FBXL20: variants seen among roughly 807,000 people sequenced by gnomAD.
FBXL20 encodes F-box and leucine rich repeat protein 20.
A neutral mutation model predicts 64.0 loss-of-function variants in FBXL20; 11 were observed. The observed-to-expected ratio is 0.17, with a 90% CI of 0.11 to 0.28. FBXL20 has a LOEUF of 0.28. FBXL20 is among the 10% of genes least tolerant of loss of function. The probability of loss-of-function intolerance (pLI) is 1.00; values close to 1 mark genes in which losing one functional copy is unlikely to be tolerated. For synonymous variants in FBXL20, 184 were observed against 189.0 expected, an observed-to-expected ratio of 0.97 and a Z score of 0.22; for missense variants, 303 against 526.2, an observed-to-expected ratio of 0.58 and a Z score of 4.15.
intron 13 of FBXL20, among the ~76,000 whole-genome samples, chr17:39,265,063 G>GTATGCTTAAGGTGT (rs1018275602): frequency 6.6e-5 from 10 of 152,194 alleles, no homozygotes; most frequent in Non-Finnish European, 1.2e-4. Context: ...ATCTTAAGGT[G>GTATGCTTAAGGTGT]AAGCAAATTG....
intron 8 of FBXL20, 83 bp from the exon 9 acceptor site, chr17:39,281,546 A>AATGTG: frequency 1.8e-6 from 2 of 1,087,716 alleles, no homozygotes; most frequent in Non-Finnish European, 2.7e-6. Flanking sequence ...ACATTCATTC[A>AATGTG]TACATTCTAA....
chr17:39,335,688 T>G (rs190282423), intron 2 of FBXL20, among the ~76,000 whole-genome samples: 1 of 152,246 alleles, frequency 6.6e-6, no homozygotes, highest in East Asian at 1.9e-4. Flanking sequence ...TGTTCCTTTT[T>G]CAAGTGGTAC....
intron 1 of FBXL20, among the ~76,000 whole-genome samples, chr17:39,357,208 G>A (rs939593293): frequency 1.3e-5 from 2 of 150,476 alleles, no homozygotes; most frequent in Admixed American, 6.6e-5. Flanking sequence ...GGGAGGAGGA[G>A]GTTGAAGTGA....
In FBXL20 at chr17:39,256,693, T is replaced by G. The variant is rs2046698559; in HGVS notation, c.*4767A>C. On this transcript the variant is annotated 3_prime_UTR_variant, in exon 15 of 15. Coordinates refer to ENST00000264658, the MANE Select transcript of FBXL20 (RefSeq NM_032875.3). ...AATAAGGCAAAATAGAGCAATTTCCTTTAAACCCCTCCTCTCACTGGTAGC... is the reference window on the plus strand; with the variant it reads ...AATAAGGCAAAATAGAGCAATTTCCGTTAAACCCCTCCTCTCACTGGTAGC... 2 of 152,298 alleles carry G rather than the reference T, an allele frequency of 1.3e-5. No individual in the cohort carries two copies. The highest frequency in any genetic ancestry group is 4.8e-5 in the African/African-American group (2 of 41,548). The allele number at this position is 152,298 out of a possible 1,614,324, so 9.4% of individuals were successfully genotyped here. A position where few individuals can be genotyped will look rare whatever the true frequency, so the allele number is the denominator to read the frequency against.
At chr17:39,320,729 G>A (rs1284310821) in intron 2 of FBXL20, among the ~76,000 whole-genome samples, 1 of 151,802 alleles carries the variant, frequency 6.6e-6, no homozygotes. Flanking sequence ...CAAGCAGCTG[G>A]GACTACAGGT....
intron 9 of FBXL20, among the ~76,000 whole-genome samples, chr17:39,278,548 CTTTT>C (rs61642275): frequency 7.8e-6 from 1 of 128,168 alleles, no homozygotes; most frequent in African/African-American, 2.9e-5. Context: ...ACATTCCAGT[CTTTT>C]TTTTTTTTTT....
Position 39,303,656 on chromosome 17 carries a change from GAA to G in FBXL20, c.105-19_105-18del. 2 of 1,599,904 alleles carry G rather than the reference GAA, an allele frequency of 1.3e-6. No homozygotes were observed. The highest frequency in any genetic ancestry group is 1.7e-6 in the Non-Finnish European group (2 of 1,172,416). On this transcript the variant is annotated intron_variant, in intron 2 of 14. Transcript: ENST00000264658. Reference sequence around the variant, plus strand: ...GAAAATATCCTAAAAAGAAAAGAGAGAAAGACAAATTTTATTGTATGATAAAG... The same window carrying G: ...GAAAATATCCTAAAAAGAAAAGAGAGAGACAAATTTTATTGTATGATAAAG...
chr17:39,337,105 C>T (rs2047530289), intron 2 of FBXL20, among the ~76,000 whole-genome samples: 1 of 152,024 alleles, frequency 6.6e-6, no homozygotes, highest in Non-Finnish European at 1.5e-5. Flanking sequence ...CCTGCCTCAG[C>T]CTGCCGAGTG....
At chr17:39,382,676 T>C (rs527649183) in intron 1 of FBXL20, among the ~76,000 whole-genome samples, 94 of 151,856 alleles carry the variant, frequency 6.2e-4, no homozygotes, top group Non-Finnish European at 1.1e-3. Context: ...TACAATTTTT[T>C]TTTTCTTTTT....
At chr17:39,377,002 A>G (rs2047973524) in intron 1 of FBXL20, among the ~76,000 whole-genome samples, 1 of 152,188 alleles carries the variant, frequency 6.6e-6, no homozygotes, top group South Asian at 2.1e-4. Context: ...TTTATAGTTT[A>G]AAACAAAGAC....
At chr17:39,324,664 C>A (rs913157094) in intron 2 of FBXL20, among the ~76,000 whole-genome samples, 1 of 152,058 alleles carries the variant, frequency 6.6e-6, no homozygotes, top group Non-Finnish European at 1.5e-5. Flanking sequence ...TAGAGTTTGG[C>A]AATTCATTTT....
chr17:39,384,497 C>T (rs2048058180), intron 1 of FBXL20, among the ~76,000 whole-genome samples: 1 of 149,430 alleles, frequency 6.7e-6, no homozygotes, highest in East Asian at 2.0e-4. Context: ...TGCACTCCAC[C>T]CTGGAGGCAG....
intron 1 of FBXL20, among the ~76,000 whole-genome samples, chr17:39,382,428 G>A (rs1475937065): frequency 7.5e-6 from 1 of 133,554 alleles, no homozygotes; most frequent in African/African-American, 3.0e-5. Flanking sequence ...CAGCAACAGA[G>A]AGAGACTCCA....
chr17:39,382,353 G>A (rs1348266983), intron 1 of FBXL20, among the ~76,000 whole-genome samples: 2 of 148,776 alleles, frequency 1.3e-5, no homozygotes, highest in African/African-American at 4.9e-5. Context: ...TGAGGAAGGA[G>A]AATGGCGTGA....
intron 7 of FBXL20, among the ~76,000 whole-genome samples, chr17:39,284,904 T>C (rs1408355671): frequency 2.6e-5 from 4 of 151,458 alleles, no homozygotes; most frequent in Admixed American, 6.6e-5. Flanking sequence ...GATACCTGTT[T>C]TAAGCACTAA....
chr17:39,305,018 A>G (rs1037433194), intron 2 of FBXL20, among the ~76,000 whole-genome samples: 1 of 152,072 alleles, frequency 6.6e-6, no homozygotes, highest in Non-Finnish European at 1.5e-5. Context: ...TCAGCCTCCC[A>G]AAGTGCTGGG....
At chr17:39,322,493 A>C (rs184245843) in intron 2 of FBXL20, among the ~76,000 whole-genome samples, 1 of 152,214 alleles carries the variant, frequency 6.6e-6, no homozygotes, top group East Asian at 1.9e-4. Context: ...TAATTAAAAA[A>C]TTTTTTAATT....
intron 6 of FBXL20, among the ~76,000 whole-genome samples, chr17:39,289,998 C>CAAAAAAAAAAAA (rs368530587): frequency 2.4e-5 from 1 of 41,878 alleles, no homozygotes; most frequent in African/African-American, 7.5e-5. Flanking sequence ...GACTCAGTCT[C>CAAAAAAAAAAAA]AAAAAAAAAA....
intron 7 of FBXL20, among the ~76,000 whole-genome samples, chr17:39,283,922 C>G (rs1478257267): frequency 2.0e-5 from 3 of 152,046 alleles, no homozygotes; most frequent in Admixed American, 6.6e-5. Flanking sequence ...GCCATGATAT[C>G]AAGTTCATTC....
Sources: gnomAD v4.1 joint callset for allele counts (sites outside exome capture counted in the v4.1 genomes callset) on GRCh38, gnomAD v4.1.1 for gene constraint, MANE v1.5 for transcripts, NCBI Gene and HGNC (gene_info 2026-07-23, HGNC 2026-07-21) for gene names.